TPCN2: variants seen among roughly 807,000 people sequenced by gnomAD.
TPCN2 encodes two pore segment channel 2.
A neutral mutation model predicts 111.4 loss-of-function variants in TPCN2; 92 were observed. The ratio of observed to expected loss-of-function variants is 0.83; its 90% CI spans 0.70 to 0.98. The LOEUF is 0.98. Ranked by LOEUF, TPCN2 falls within the 50% of genes least tolerant of loss-of-function variation. The pLI is 0.00. For synonymous variants in TPCN2, 405 were observed against 414.5 expected (o/e 0.98, Z 0.28); for missense variants, 995 against 980.1 (o/e 1.02, Z -0.20).
intron 13 of TPCN2, among the ~76,000 whole-genome samples, chr11:69,076,267 G>T (rs1393002821): frequency 6.6e-6 from 1 of 152,180 alleles, no homozygotes; most frequent in Non-Finnish European, 1.5e-5. Context: ...TGGTCACTGG[G>T]TAAGCAGGAG....
intron 3 of TPCN2, 80 bp from the exon 4 acceptor site, chr11:69,055,095 G>T: frequency 6.7e-7 from 1 of 1,482,050 alleles, no homozygotes. Context: ...CCGTGCTTCG[G>T]ACTGGGGAAG....
chr11:69,053,894 C>T, intron 1 of TPCN2, 139 bp from the exon 2 acceptor site: 2 of 710,492 alleles, frequency 2.8e-6, no homozygotes, highest in South Asian at 1.7e-5. Flanking sequence ...ACATGCAGCC[C>T]CACTGCCGGG....
At chr11:69,083,191 T>C (rs980934457) in intron 18 of TPCN2, 1 of 152,996 alleles carries the variant, frequency 6.5e-6, no homozygotes, top group Admixed American at 6.5e-5. Flanking sequence ...AAACTGTGAC[T>C]TTAAGGGAAA....
In TPCN2 at chr11:69,069,060, C is replaced by T. The variant is rs554027864; in HGVS notation, c.830-1370C>T. ...GTGACCGCAGTGGGAGCAGGACTGT[C>T]TGAGTCCTAGGAAGTGACCACAGGG... On this transcript the variant is annotated intron_variant, in intron 8 of 24. Coordinates refer to ENST00000294309, the MANE Select transcript of TPCN2 (RefSeq NM_139075.4). Among the ~76,000 whole-genome samples, 6 of 90,754 alleles carry T rather than the reference C, an allele frequency of 6.6e-5. 1 individual carries two copies. Among genetic ancestry groups the T allele is most frequent in the Non-Finnish European group, 7.8e-5 (3 of 38,618 alleles). The allele number at this position is 90,754 out of a possible 152,430, so 59.5% of individuals were successfully genotyped here.
chr11:69,067,809 G>C (rs1369079054), intron 8 of TPCN2, among the ~76,000 whole-genome samples: 6 of 151,742 alleles, frequency 4.0e-5, no homozygotes, highest in Non-Finnish European at 7.4e-5. Context: ...CCTCTCTCTT[G>C]TCCCTTCTCT....
chr11:69,085,919 C>T lies in TPCN2; in HGVS notation c.1992C>T (p.Arg664=), dbSNP rs1856253472. The change falls in exon 22 of 25, where the codon CGC becomes CGT. Residue 664 remains arginine, a synonymous_variant. Transcript: ENST00000294309. ...AGGTGTTTCTGGATGCATATCGGCG[C>T]TACTCAGGCCCGTGAGTCCTCGTCT... The part of the protein sequence containing the change: ...NWQVFLDAYR[R]YSGPWSKIYF... 4.3e-6 allele frequency: 7 copies of T among 1,614,068 alleles called. No homozygotes were observed. Among genetic ancestry groups the T allele is most frequent in the Non-Finnish European group, 5.1e-6 (6 of 1,179,936 alleles).
rs148015335 is a variant in TPCN2, at chr11:69,048,953, G to C, written c.-45G>C. On this transcript the variant is annotated 5_prime_UTR_variant, in exon 1 of 25. Transcript: ENST00000294309. ...CTGCGCAGTGAAGCTGGGCGCCTTC[G>C]GGGCTTGAGCTTCTGAGGGTCGGGT... 5.0e-5 allele frequency: 60 copies of C among 1,197,402 alleles called. No homozygotes were observed. The highest frequency in any genetic ancestry group is 5.5e-5 in the Non-Finnish European group (52 of 953,514). 74.2% of individuals were successfully genotyped at this position (1,197,402 alleles called of 1,614,324 possible). A position where few individuals can be genotyped will look rare whatever the true frequency, so the allele number is the denominator to read the frequency against.
chr11:69,060,474 G>A (rs185075632), intron 5 of TPCN2, among the ~76,000 whole-genome samples: 80 of 152,296 alleles, frequency 5.3e-4, no homozygotes, highest in African/African-American at 1.9e-3. Context: ...GGAGGCTGCC[G>A]GTCACTGTTG....
intron 7 of TPCN2, among the ~76,000 whole-genome samples, chr11:69,065,451 G>C (rs144715475): frequency 4.6e-5 from 7 of 152,310 alleles, no homozygotes; most frequent in African/African-American, 1.7e-4. Flanking sequence ...CCACGAAGGG[G>C]ACCTAGGGGA....
chr11:69,073,670 C>T (rs563842035), intron 13 of TPCN2, among the ~76,000 whole-genome samples: 71 of 152,318 alleles, frequency 4.7e-4, no homozygotes, highest in East Asian at 1.3e-3. Context: ...CAGTCCTGGC[C>T]GTCAGTCCAA....
chr11:69,085,104 TCCTGGCC>T, intron 19 of TPCN2, 99 bp from the exon 20 acceptor site: 1 of 1,100,112 alleles, frequency 9.1e-7, no homozygotes, highest in Admixed American at 1.7e-5. Context: ...GGGCAGAGGG[TCCTGGCC>T]TCACAGTCAT....
chr11:69,054,679 G>A, intron 2 of TPCN2, 42 bp from the exon 3 acceptor site: 1 of 1,593,556 alleles, frequency 6.3e-7, no homozygotes, highest in Non-Finnish European at 8.6e-7. Flanking sequence ...GGCCCACCCT[G>A]CATGCACCCA....
At chr11:69,052,539 G>C (rs1443832451) in intron 1 of TPCN2, among the ~76,000 whole-genome samples, 2 of 152,112 alleles carry the variant, frequency 1.3e-5, no homozygotes, top group Non-Finnish European at 2.9e-5. Flanking sequence ...GTGCATGTGG[G>C]CACCAAAGCC....
At position 69,081,311 on chromosome 11, in the gene TPCN2, G is replaced by C. The variant is rs11604265; in HGVS notation, c.1590-89G>C. The C allele has an allele frequency of 3.7e-6, 3 of 815,968 alleles. No homozygotes were observed. In the African/African-American group the frequency reaches 5.1e-5, roughly 14 times the overall value. 50.5% of individuals were successfully genotyped at this position (815,968 alleles called of 1,614,324 possible). A position where few individuals can be genotyped will look rare whatever the true frequency, so the allele number is the denominator to read the frequency against. On this transcript the variant is annotated intron_variant, in intron 17 of 24. Coordinates refer to ENST00000294309, the MANE Select transcript of TPCN2 (RefSeq NM_139075.4). ...CGTCATGCCCTGTTGCCCTCCCTGC[G>C]CCTCCGTCCAGGAACCCGCGCGTTT...
At chr11:69,068,160 G>A (rs7103125) in intron 8 of TPCN2, among the ~76,000 whole-genome samples, 2,564 of 152,326 alleles carry the variant, frequency 0.017, 78 homozygotes, top group African/African-American at 0.059. Flanking sequence ...TGGAGGCCAC[G>A]GTCCTGGGCT....
chr11:69,057,722 A>G (rs768229872), intron 5 of TPCN2, 28 bp downstream of exon 5: 18 of 1,603,902 alleles, frequency 1.1e-5, no homozygotes, highest in Non-Finnish European at 1.5e-5. Context: ...CCTGAGACAG[A>G]TGGAGAGATC....
intron 13 of TPCN2, among the ~76,000 whole-genome samples, chr11:69,075,949 A>G (rs1279113353): frequency 6.6e-6 from 1 of 152,236 alleles, no homozygotes; most frequent in African/African-American, 2.4e-5. Context: ...TTACACAGCT[A>G]ACATATGAAC....
At chr11:69,081,589 C>A (rs1177550877) in intron 18 of TPCN2, 90 bp downstream of exon 18, 1 of 973,490 alleles carries the variant, frequency 1.0e-6, no homozygotes, top group Non-Finnish European at 1.5e-6. Context: ...GCAGGAAGGG[C>A]CCGAGGACTG....
intron 22 of TPCN2, 81 bp downstream of exon 22, chr11:69,086,011 C>G (rs1856258343): frequency 7.2e-7 from 1 of 1,389,626 alleles, no homozygotes; most frequent in Non-Finnish European, 1.0e-6. Flanking sequence ...TGCATCTGCA[C>G]TGGACGCCCG....
Sources: gnomAD v4.1 joint callset for allele counts (sites outside exome capture counted in the v4.1 genomes callset) on GRCh38, gnomAD v4.1.1 for gene constraint, MANE v1.5 for transcripts, NCBI Gene and HGNC (gene_info 2026-07-23, HGNC 2026-07-21) for gene names.